FAM13B: variants seen among roughly 807,000 people sequenced by gnomAD.
The protein encoded by FAM13B is protein FAM13B.
Under a neutral mutation model 117.3 loss-of-function variants are expected in FAM13B, and 60 were observed. The ratio of observed to expected loss-of-function variants is 0.51; its 90% confidence interval spans 0.42 to 0.63. FAM13B has a LOEUF of 0.63. Among genes scored for constraint, FAM13B ranks in the 30% least tolerant of loss-of-function variants. The probability of loss-of-function intolerance (pLI) is 0.00; values close to 1 mark genes in which losing one functional copy is unlikely to be tolerated. For synonymous variants in FAM13B, 332 were observed against 356.1 expected, an observed-to-expected ratio of 0.93 and a Z score of 0.76; for missense variants, 972 against 1,091.9, an observed-to-expected ratio of 0.89 and a Z score of 1.55.
chr5:138,010,046 T>A (rs1037394847), intron 6 of FAM13B, among the ~76,000 whole-genome samples: 1 of 151,986 alleles, frequency 6.6e-6, no homozygotes, highest in African/African-American at 2.4e-5. Context: ...AGTGCTACGA[T>A]CTTGGCTCAC....
At chr5:138,032,220 T>C (rs1258182081) in intron 1 of FAM13B, among the ~76,000 whole-genome samples, 1 of 152,210 alleles carries the variant, frequency 6.6e-6, no homozygotes, top group East Asian at 1.9e-4. Flanking sequence ...CCCTCCAGCC[T>C]GGCCTATGCA....
At chr5:137,940,807 C>G (rs996976965) in intron 23 of FAM13B, among the ~76,000 whole-genome samples, 2 of 152,180 alleles carry the variant, frequency 1.3e-5, no homozygotes, top group Non-Finnish European at 2.9e-5. Flanking sequence ...TCAGTTTAAT[C>G]GCTAGCTAAA....
intron 10 of FAM13B, among the ~76,000 whole-genome samples, chr5:137,974,099 T>C (rs1461326733): frequency 6.7e-6 from 1 of 149,500 alleles, no homozygotes; most frequent in Non-Finnish European, 1.5e-5. Context: ...GCCATCCCAT[T>C]ACTGGGTTTA....
intron 20 of FAM13B, among the ~76,000 whole-genome samples, chr5:137,943,902 C>T (rs1762622656): frequency 6.6e-6 from 1 of 151,762 alleles, no homozygotes; most frequent in African/African-American, 2.4e-5. Context: ...TAAAATTCAC[C>T]CTTTTAAAAT....
intron 17 of FAM13B, among the ~76,000 whole-genome samples, chr5:137,949,944 CAG>C (rs1764487858): frequency 6.6e-6 from 1 of 151,982 alleles, no homozygotes; most frequent in Admixed American, 6.6e-5. Flanking sequence ...GCCTGGGCAA[CAG>C]AGTCAGACCC....
intron 17 of FAM13B, 151 bp downstream of exon 17, chr5:137,952,477 T>C: frequency 1.8e-6 from 1 of 552,176 alleles, no homozygotes; most frequent in South Asian, 2.5e-5. Context: ...TATGCAATTT[T>C]GACCCTAATA....
intron 1 of FAM13B, among the ~76,000 whole-genome samples, chr5:138,024,532 A>G (rs1367874005): frequency 3.3e-5 from 5 of 151,838 alleles, no homozygotes; most frequent in Admixed American, 2.6e-4. Context: ...ATTTGTCATG[A>G]AAGTCCTAGA....
intron 1 of FAM13B, among the ~76,000 whole-genome samples, chr5:138,046,215 T>C (rs1373934645): frequency 4.6e-5 from 7 of 152,206 alleles, no homozygotes; most frequent in Non-Finnish European, 1.0e-4. Flanking sequence ...TCAACCATGA[T>C]TGTGAGGCCT....
At chr5:138,040,920 T>C (rs1791480136) in intron 1 of FAM13B, among the ~76,000 whole-genome samples, 1 of 151,754 alleles carries the variant, frequency 6.6e-6, no homozygotes, top group South Asian at 2.1e-4. Context: ...AAAAATTAGC[T>C]GGGTGTGGTG....
intron 1 of FAM13B, among the ~76,000 whole-genome samples, chr5:138,049,583 C>T (rs887623486): frequency 1.8e-4 from 27 of 152,044 alleles, no homozygotes; most frequent in African/African-American, 3.6e-4. Context: ...TAGAGTGATA[C>T]ATTTCTTAAC....
At chr5:137,970,497 T>C (rs1369167772) in intron 10 of FAM13B, among the ~76,000 whole-genome samples, 1 of 152,092 alleles carries the variant, frequency 6.6e-6, no homozygotes. Context: ...TACCAGCCAC[T>C]GCAAAATCAT....
chr5:137,975,994 T>TTTTTTTTTTTTTG (rs1223359020), intron 10 of FAM13B, among the ~76,000 whole-genome samples: 2 of 149,812 alleles, frequency 1.3e-5, no homozygotes, highest in Non-Finnish European at 3.0e-5. Context: ...TTTTTTTTTT[T>TTTTTTTTTTTTTG]TGAGACAGTC....
chr5:137,959,312 T>C (rs1001772268), intron 13 of FAM13B, among the ~76,000 whole-genome samples: 1 of 152,212 alleles, frequency 6.6e-6, no homozygotes, highest in African/African-American at 2.4e-5. Flanking sequence ...GACTAGGAGA[T>C]AGCACCTGAT....
rs1257515002 is a variant in FAM13B, at chr5:137,958,328, T to C, written c.1441+1288A>G. ...TTAGTCTAAGTTAAAACAGATAATA[T>C]GCCACTGGGCATGCCAAACATCTAG... On this transcript the variant is annotated intron_variant, in intron 13 of 23. Transcript: ENST00000689681. Among the ~76,000 whole-genome samples, 8 of 152,046 alleles carry C rather than the reference T, an allele frequency of 5.3e-5. No homozygotes were observed. In the East Asian group the frequency reaches 1.5e-3, roughly 29 times the overall value.
intron 1 of FAM13B, among the ~76,000 whole-genome samples, chr5:138,022,075 T>G (rs1178581624): frequency 1.3e-5 from 2 of 149,228 alleles, no homozygotes; most frequent in Non-Finnish European, 2.9e-5. Flanking sequence ...TTTGCACCAC[T>G]GCACTCCAGC....
intron 10 of FAM13B, among the ~76,000 whole-genome samples, chr5:137,975,562 T>C (rs529939437): frequency 8.5e-5 from 13 of 152,210 alleles, no homozygotes; most frequent in Non-Finnish European, 1.9e-4. Context: ...CAAAACTACC[T>C]ATTTCTTCAG....
intron 10 of FAM13B, among the ~76,000 whole-genome samples, chr5:137,972,903 G>C (rs1772694772): frequency 6.6e-6 from 1 of 151,490 alleles, no homozygotes. Flanking sequence ...ACTTACAAGG[G>C]ATGTGAAGGA....
upstream of FAM13B, chr5:138,036,766 TATA>T: frequency 2.8e-6 from 1 of 360,048 alleles, no homozygotes; most frequent in Non-Finnish European, 5.4e-6. Flanking sequence ...TGGTTTCTTT[TATA>T]ATAATCTTGT....
At position 138,011,047 on chromosome 5, in the gene FAM13B, TTCC is replaced by T; in HGVS notation, c.648_650del (p.Glu217del). On this transcript the variant is annotated inframe_deletion, in exon 6 of 24. Transcript: ENST00000689681. ...AACTCAAATCATTAGATGAAAAATC[TTCC>T]TCTTCATTCTCAAAAAACTCATAGT... 1 of 1,608,320 alleles carries T rather than the reference TTCC, an allele frequency of 6.2e-7. No homozygotes were observed. The highest frequency in any genetic ancestry group is 8.5e-7 in the Non-Finnish European group (1 of 1,178,976).
Sources: allele counts gnomAD v4.1 joint callset (sites outside exome capture counted in the v4.1 genomes callset), GRCh38; gene constraint gnomAD v4.1.1; transcripts MANE v1.5; gene names NCBI Gene and HGNC (gene_info 2026-07-23, HGNC 2026-07-21).